Variants in LEMD3 observed in about 807,000 individuals in gnomAD.
LEMD3 encodes the protein LEM domain containing 3.
In LEMD3, 33 loss-of-function variants were observed where a neutral mutation model predicts 95.2. The observed-to-expected ratio is 0.35, with a 90% CI of 0.26 to 0.46. LEMD3 has a LOEUF of 0.46. Among genes scored for constraint, LEMD3 ranks in the 20% least tolerant of loss-of-function variants. The pLI, the probability that LEMD3 is intolerant of heterozygous loss-of-function variation, is 1.00. For synonymous variants in LEMD3, 525 were observed against 474.6 expected, an observed-to-expected ratio of 1.11 and a Z score of -1.38; for missense variants, 1,210 against 1,192.8, an observed-to-expected ratio of 1.01 and a Z score of -0.21.
At position 65,170,359 on chromosome 12, in the gene LEMD3, C is replaced by T. The variant is rs772810730; in HGVS notation, c.763C>T (p.Arg255Trp). The T allele has an allele frequency of 1.9e-6, 3 of 1,611,966 alleles. No homozygotes were observed. The highest frequency in any genetic ancestry group is 1.6e-4 in the Middle Eastern group (1 of 6,078). The change falls in exon 1 of 13, where the codon CGG becomes TGG. Residue 255 changes from arginine to tryptophan, a missense_variant. Transcript: ENST00000308330. ...CAGCCGGCTTGTCCCCTACAGCTGC[C>T]GGGAAAACTATTCGGACTCAGAGGA... ...NGSRLVPYSC[R>W]ENYSDSEEED...
chr12:65,238,743 T>C lies in LEMD3; in HGVS notation c.1850T>C (p.Leu617Pro). 1 of 1,614,048 alleles carries C rather than the reference T, an allele frequency of 6.2e-7. No homozygotes were observed. Residue 617 changes from leucine to proline, a missense_variant, in exon 6 of 13, where the codon CTG (leucine) becomes CCG (proline). Coordinates refer to ENST00000308330, the MANE Select transcript of LEMD3 (RefSeq NM_014319.5). ...DVQFLQSTRP[L>P]MSFWCRFRRA... The stretch of plus-strand genomic sequence containing the variant: ...CAGTTTTTACAGTCCACAAGACCAC[T>C]GATGTCTTTTTGGTGTCGTTTTCGA...
chr12:65,181,562 A>G (rs1868904799), intron 1 of LEMD3, among the ~76,000 whole-genome samples: 1 of 152,162 alleles, frequency 6.6e-6, no homozygotes, highest in Admixed American at 6.5e-5. Context: ...TTTAAAAATT[A>G]GTTTCTGTAA....
chr12:65,218,086 T>C (rs1369817720), intron 3 of LEMD3, among the ~76,000 whole-genome samples: 1 of 152,228 alleles, frequency 6.6e-6, no homozygotes, highest in South Asian at 2.1e-4. Context: ...TCAAACTTAT[T>C]TGAACCCTTA....
chr12:65,192,841 A>C (rs1869286929), intron 1 of LEMD3, among the ~76,000 whole-genome samples: 1 of 152,206 alleles, frequency 6.6e-6, no homozygotes, highest in Non-Finnish European at 1.5e-5. Flanking sequence ...TTAACTTAGC[A>C]AAACTCCAAT....
chr12:65,183,688 T>G (rs1169446224), intron 1 of LEMD3, among the ~76,000 whole-genome samples: 1 of 152,138 alleles, frequency 6.6e-6, no homozygotes, highest in African/African-American at 2.4e-5. Flanking sequence ...TTGCACTGTT[T>G]TAAAGCACTG....
At chr12:65,188,654 T>G (rs1302031912) in intron 1 of LEMD3, among the ~76,000 whole-genome samples, 1 of 152,168 alleles carries the variant, frequency 6.6e-6, no homozygotes, top group Non-Finnish European at 1.5e-5. Flanking sequence ...ATTTTCTCCT[T>G]TTGTCAGCCT....
chr12:65,170,574 G>A lies in LEMD3; in HGVS notation c.978G>A (p.Gly326=). 1.9e-6 allele frequency: 3 copies of A among 1,614,012 alleles called. No individual in the cohort carries two copies. The highest frequency in any genetic ancestry group is 2.5e-6 in the Non-Finnish European group (3 of 1,179,966). Residue 326 remains glycine, a synonymous_variant, in exon 1 of 13, where the codon GGG becomes GGA. Coordinates refer to ENST00000308330, the MANE Select transcript of LEMD3 (RefSeq NM_014319.5). Reference sequence around the variant, plus strand: ...TGAATGACAGGGCGGCGGCTGCCGGGAGTCTAGACAGGAGCCGAAACCTCG... The same window carrying A: ...TGAATGACAGGGCGGCGGCTGCCGGAAGTCTAGACAGGAGCCGAAACCTCG... ...LAMNDRAAAA[G]SLDRSRNLEE...
intron 1 of LEMD3, among the ~76,000 whole-genome samples, chr12:65,192,909 C>T (rs907844085): frequency 6.6e-6 from 1 of 152,118 alleles, no homozygotes; most frequent in Non-Finnish European, 1.5e-5. Flanking sequence ...TAACATAAAA[C>T]AAAGCTAGCC....
intron 1 of LEMD3, among the ~76,000 whole-genome samples, chr12:65,173,299 A>G (rs1187843962): frequency 2.0e-5 from 3 of 152,238 alleles, no homozygotes; most frequent in Non-Finnish European, 4.4e-5. Context: ...CATCAGTGTT[A>G]AGATGAATGA....
chr12:65,181,482 C>T (rs1020780841), intron 1 of LEMD3, among the ~76,000 whole-genome samples: 5 of 152,118 alleles, frequency 3.3e-5, no homozygotes, highest in African/African-American at 1.2e-4. Context: ...ACTAGCTAGC[C>T]TTCAGAATTG....
At chr12:65,183,486 G>T (rs1278446029) in intron 1 of LEMD3, among the ~76,000 whole-genome samples, 1 of 152,146 alleles carries the variant, frequency 6.6e-6, no homozygotes, top group African/African-American at 2.4e-5. Flanking sequence ...AATGTGCCAT[G>T]TATAGTGTTC....
chr12:65,181,431 G>A (rs530623503), intron 1 of LEMD3, among the ~76,000 whole-genome samples: 2 of 152,164 alleles, frequency 1.3e-5, no homozygotes, highest in Admixed American at 6.6e-5. Context: ...CTCTCCCCAC[G>A]CTTTGGCTGG....
chr12:65,190,507 A>C (rs751249877), intron 1 of LEMD3, among the ~76,000 whole-genome samples: 1 of 152,146 alleles, frequency 6.6e-6, no homozygotes, highest in Non-Finnish European at 1.5e-5. Flanking sequence ...CTTTCTATAC[A>C]TCATAACTCT....
intron 1 of LEMD3, among the ~76,000 whole-genome samples, chr12:65,184,654 A>G (rs996756391): frequency 6.6e-6 from 1 of 152,148 alleles, no homozygotes; most frequent in Non-Finnish European, 1.5e-5. Flanking sequence ...AATTTTCTGT[A>G]TGGAATAGGT....
intron 1 of LEMD3, among the ~76,000 whole-genome samples, chr12:65,178,411 T>A (rs1347178187): frequency 6.6e-6 from 1 of 152,184 alleles, no homozygotes; most frequent in African/African-American, 2.4e-5. Flanking sequence ...CCACGGAGAC[T>A]AGTTTGAGGA....
intron 1 of LEMD3, among the ~76,000 whole-genome samples, chr12:65,181,073 T>C (rs1265883005): frequency 6.6e-6 from 1 of 151,526 alleles, no homozygotes; most frequent in Non-Finnish European, 1.5e-5. Context: ...TTTTGCTCTG[T>C]AGGAATTCAC....
At chr12:65,216,357 G>A (rs1286325779) in intron 3 of LEMD3, among the ~76,000 whole-genome samples, 1 of 151,892 alleles carries the variant, frequency 6.6e-6, no homozygotes, top group Non-Finnish European at 1.5e-5. Flanking sequence ...GGTAAGCAGT[G>A]AATTAACTAA....
Position 65,170,875 on chromosome 12 carries a change from G to A in LEMD3, c.1279G>A (p.Ala427Thr). 2.5e-6 allele frequency: 4 copies of A among 1,614,184 alleles called. No individual in the cohort carries two copies. The highest frequency in any genetic ancestry group is 3.4e-6 in the Non-Finnish European group (4 of 1,180,036). The change falls in exon 1 of 13, where the codon GCC (alanine) becomes ACC (threonine). Residue 427 changes from alanine (A) to threonine (T), a missense_variant. Around this residue, in one of 2 missense-constraint regions of LEMD3, gnomAD observed 749 missense variants for 622.9 expected, o/e 1.20. Coordinates refer to ENST00000308330, the MANE Select transcript of LEMD3 (RefSeq NM_014319.5). ...AASSSLRINH[A>T]NHTGSNHTYL... ...CTCTAGTTCACTCAGGATCAATCAC[G>A]CCAATCATACGGGCTCCAATCATAC...
intron 1 of LEMD3, among the ~76,000 whole-genome samples, chr12:65,197,954 T>C (rs12320315): frequency 0.038 from 5,714 of 152,242 alleles, 353 homozygotes; most frequent in African/African-American, 0.13. Context: ...TCATTGAAGA[T>C]GTTAAATACA....
Sources: gnomAD v4.1 joint callset for allele counts (sites outside exome capture counted in the v4.1 genomes callset) on GRCh38, gnomAD v4.1.1 for gene constraint, gnomAD v4.1.1 regional missense constraint, MANE v1.5 for transcripts, NCBI Gene and HGNC (gene_info 2026-07-23, HGNC 2026-07-21) for gene names.